Variants in ZSWIM6 observed in about 807,000 individuals in gnomAD.
The protein encoded by ZSWIM6 is zinc finger SWIM domain-containing protein 6.
In ZSWIM6, 9 loss-of-function variants were observed where a neutral mutation model predicts 113.2. That is an observed-to-expected ratio of 0.08 (90% CI 0.05 to 0.14). The LOEUF is 0.14. ZSWIM6 is among the 10% of genes least tolerant of loss of function. The pLI, the probability that ZSWIM6 is intolerant of heterozygous loss-of-function variation, is 1.00. For missense variants in ZSWIM6, 1,162 were observed against 1,552.2 expected, an observed-to-expected ratio of 0.75 and a Z score of 4.22; for synonymous variants, 611 against 606.5, an observed-to-expected ratio of 1.01 and a Z score of -0.11.
At chr5:61,531,112 G>C (rs1749417943) in intron 8 of ZSWIM6, among the ~76,000 whole-genome samples, 2 of 152,134 alleles carry the variant, frequency 1.3e-5, no homozygotes, top group Non-Finnish European at 2.9e-5. Flanking sequence ...TTTAAAAAGT[G>C]GTGAGTGCAA....
chr5:61,438,679 A>G (rs890747181), intron 1 of ZSWIM6, among the ~76,000 whole-genome samples: 3 of 152,216 alleles, frequency 2.0e-5, no homozygotes, highest in Non-Finnish European at 4.4e-5. Flanking sequence ...GTAAGGTAGC[A>G]GATGCTGTGG....
chr5:61,353,025 G>C (rs140595557), intron 1 of ZSWIM6, among the ~76,000 whole-genome samples: 10 of 151,850 alleles, frequency 6.6e-5, no homozygotes, highest in African/African-American at 2.2e-4. Flanking sequence ...TTTTTTCCCC[G>C]TCTGTTGATC....
chr5:61,464,189 T>TTTG (rs1747379216), intron 1 of ZSWIM6, among the ~76,000 whole-genome samples: 1 of 128,888 alleles, frequency 7.8e-6, no homozygotes. Flanking sequence ...TTTTTTTTTT[T>TTTG]TTGCATTTTT....
rs531457502 is a variant in ZSWIM6, at chr5:61,415,662, G to T, written c.677-57019G>T. Among the ~76,000 whole-genome samples, 8 of 151,954 alleles carry T rather than the reference G, an allele frequency of 5.3e-5. No individual in the cohort carries two copies. In the East Asian group the frequency reaches 1.5e-3, roughly 29 times the overall value. ...GTGTGTTGGGATGGATATGACATGG[G>T]GACTGATTGGCCATATAAAGGTTCT... On this transcript the variant is annotated intron_variant, in intron 1 of 13. Transcript: ENST00000252744.
intron 1 of ZSWIM6, among the ~76,000 whole-genome samples, chr5:61,418,678 G>A (rs1051637380): frequency 6.6e-6 from 1 of 152,120 alleles, no homozygotes; most frequent in African/African-American, 2.4e-5. Context: ...ATATGGATGT[G>A]GTACTTTAAG....
Position 61,521,253 on chromosome 5 carries a change from T to C in ZSWIM6, c.1334-10T>C. 7.7e-7 allele frequency: 1 copy of C among 1,303,304 alleles called. No individual in the cohort carries two copies. The highest frequency in any genetic ancestry group is 9.9e-7 in the Non-Finnish European group (1 of 1,013,318). 80.7% of individuals were successfully genotyped at this position (1,303,304 alleles called of 1,614,324 possible). Reference sequence around the variant, plus strand: ...TTGAACATTTATTTTCCTTTCCTCCTTTAAATTAGGTGCTCTGTGGATGTG... The same window carrying C: ...TTGAACATTTATTTTCCTTTCCTCCCTTAAATTAGGTGCTCTGTGGATGTG... On this transcript the variant is annotated splice_polypyrimidine_tract_variant and intron_variant, in intron 4 of 13. Coordinates refer to ENST00000252744, the MANE Select transcript of ZSWIM6 (RefSeq NM_020928.2).
intron 4 of ZSWIM6, among the ~76,000 whole-genome samples, chr5:61,514,826 G>T (rs1368281423): frequency 6.6e-6 from 1 of 152,136 alleles, no homozygotes; most frequent in Non-Finnish European, 1.5e-5. Flanking sequence ...TTGATCTGCA[G>T]TTGAGCCTAC....
At chr5:61,496,371 A>C (rs1580040092) in intron 4 of ZSWIM6, among the ~76,000 whole-genome samples, 1 of 152,142 alleles carries the variant, frequency 6.6e-6, no homozygotes, top group Non-Finnish European at 1.5e-5. Context: ...ACGTAGAAGT[A>C]ACAGTAAGTA....
chr5:61,413,941 TG>T (rs962230971), intron 1 of ZSWIM6, among the ~76,000 whole-genome samples: 2 of 69,024 alleles, frequency 2.9e-5, no homozygotes, highest in African/African-American at 1.1e-4. Context: ...AGGAGTGGGG[TG>T]GGGGTGGGGC....
At chr5:61,512,145 G>T (rs1406669105) in intron 4 of ZSWIM6, among the ~76,000 whole-genome samples, 3 of 152,060 alleles carry the variant, frequency 2.0e-5, no homozygotes, top group African/African-American at 7.2e-5. Context: ...CCAGTCCCTA[G>T]CAACCACTGA....
rs577918024 is a variant in ZSWIM6 at position 61,464,049 on chromosome 5, G to C, written c.677-8632G>C. The stretch of plus-strand genomic sequence containing the variant: ...CTCTTGTTGCCCAGGCTGGGGTGCA[G>C]TGGTGCAATCTAGCTCACTGCAGCC... On this transcript the variant is annotated intron_variant, in intron 1 of 13. Coordinates refer to ENST00000252744, the MANE Select transcript of ZSWIM6 (RefSeq NM_020928.2). 5.9e-5 allele frequency among the ~76,000 whole-genome samples: 9 copies of C among 151,666 alleles called. No individual in the cohort carries two copies. The East Asian group carries it at 1.7e-3, about 29-fold the overall frequency.
intron 5 of ZSWIM6, among the ~76,000 whole-genome samples, chr5:61,522,528 A>T (rs1253668887): frequency 6.6e-6 from 1 of 152,186 alleles, no homozygotes; most frequent in East Asian, 1.9e-4. Context: ...AAAGAAAATG[A>T]TATGTATTAC....
At chr5:61,435,102 C>T (rs1372898968) in intron 1 of ZSWIM6, among the ~76,000 whole-genome samples, 1 of 152,096 alleles carries the variant, frequency 6.6e-6, no homozygotes, top group Non-Finnish European at 1.5e-5. Context: ...TTGGGCAATT[C>T]ACTTGACTTC....
At chr5:61,464,673 TC>T (rs1350556850) in intron 1 of ZSWIM6, among the ~76,000 whole-genome samples, 1 of 152,118 alleles carries the variant, frequency 6.6e-6, no homozygotes, top group Non-Finnish European at 1.5e-5. Context: ...ATTTCTCCCC[TC>T]CCAGGTCTGA....
intron 2 of ZSWIM6, among the ~76,000 whole-genome samples, chr5:61,486,156 C>T (rs1748015315): frequency 1.3e-5 from 2 of 152,164 alleles, no homozygotes; most frequent in African/African-American, 4.8e-5. Context: ...ATTCCACACA[C>T]TCCATGCCCT....
intron 4 of ZSWIM6, among the ~76,000 whole-genome samples, chr5:61,500,605 C>CT (rs774327298): frequency 9.2e-5 from 14 of 152,134 alleles, no homozygotes; most frequent in Non-Finnish European, 1.5e-4. Context: ...CTTACCTAGT[C>CT]TAGTCGCTAA....
chr5:61,471,973 C>T (rs1747583475), intron 1 of ZSWIM6, among the ~76,000 whole-genome samples: 1 of 151,788 alleles, frequency 6.6e-6, no homozygotes, highest in South Asian at 2.1e-4. Context: ...ATCTGTATAG[C>T]TTTCCTCTGT....
At chr5:61,415,452 C>T (rs916349406) in intron 1 of ZSWIM6, among the ~76,000 whole-genome samples, 1 of 151,978 alleles carries the variant, frequency 6.6e-6, no homozygotes, top group African/African-American at 2.4e-5. Flanking sequence ...ATTAGCCGGG[C>T]GTGGTGGCAC....
intron 4 of ZSWIM6, among the ~76,000 whole-genome samples, chr5:61,506,037 C>T (rs36001941): frequency 6.6e-5 from 10 of 151,944 alleles, no homozygotes; most frequent in East Asian, 2.0e-4. Context: ...TGAGCCACTG[C>T]GCCCGGCAGA....
Sources: allele counts gnomAD v4.1 joint callset (sites outside exome capture counted in the v4.1 genomes callset), GRCh38; gene constraint gnomAD v4.1.1; transcripts MANE v1.5; gene names NCBI Gene and HGNC (gene_info 2026-07-23, HGNC 2026-07-21).